TRDN: variants seen among roughly 807,000 people sequenced by gnomAD.
TRDN encodes triadin in skeletal muscle.
A neutral mutation model predicts 149.7 loss-of-function variants in TRDN; 161 were observed. That is an observed-to-expected ratio of 1.08 (90% CI 0.95 to 1.23). The LOEUF (loss-of-function observed/expected upper bound fraction) is 1.23, where lower values mean the gene tolerates loss of function less well. TRDN is among the 50% of genes most tolerant of loss of function. TRDN has a pLI of 0.00. For synonymous variants in TRDN, 294 were observed against 250.5 expected (o/e 1.17, Z -1.64); for missense variants, 896 against 823.5 (o/e 1.09, Z -1.08).
Position 123,271,196 on chromosome 6 carries a change from GA to G in TRDN, c.1673-11del, listed in dbSNP as rs1297760123. 5 of 1,522,358 alleles carry G rather than the reference GA, an allele frequency of 3.3e-6. No homozygotes were observed. The highest frequency in any genetic ancestry group is 2.1e-5 in the Admixed American group (1 of 46,714). 94.3% of individuals were successfully genotyped at this position (1,522,358 alleles called of 1,614,324 possible). On this transcript the variant is annotated splice_polypyrimidine_tract_variant and intron_variant, in intron 29 of 40. Transcript: ENST00000334268. Reference sequence around the variant, plus strand: ...TTGAGAACTTTTTCTTCTGTGATAGGAAAAAATGTTAACACAAGTAGGAAAT... The same window carrying G: ...TTGAGAACTTTTTCTTCTGTGATAGGAAAAATGTTAACACAAGTAGGAAAT...
chr6:123,327,671 A>T (rs1779509669), intron 23 of TRDN, among the ~76,000 whole-genome samples: 1 of 152,104 alleles, frequency 6.6e-6, no homozygotes, highest in East Asian at 1.9e-4. Flanking sequence ...ATTAATTTTC[A>T]TAGGATGATC....
rs772899515 is a variant in TRDN, at chr6:123,218,694, GC to G, written c.2096del (p.Gly699AlafsTer45). 23 of 1,598,926 alleles carry G rather than the reference GC, an allele frequency of 1.4e-5. No individual in the cohort carries two copies. The highest frequency in any genetic ancestry group is 1.7e-5 in the Admixed American group (1 of 57,648). On this transcript the variant is annotated frameshift_variant, in exon 41 of 41. Transcript: ENST00000334268. LOFTEE classifies it high-confidence loss of function. ...GAGTGAAAGGAAACTGAAATCCATA[GC>G]CATTGTACCCATCCAAGTAGACACA... Reference protein sequence around the residue: ...FQCVYLDGYNGYGFQFPFTPA... With the variant: ...FQCVYLDGYNXYGFQFPFTPA...
chr6:123,507,810 A>G (rs1266706819), intron 7 of TRDN, among the ~76,000 whole-genome samples: 2 of 152,236 alleles, frequency 1.3e-5, no homozygotes, highest in South Asian at 2.1e-4. Context: ...TCTTGGAATT[A>G]GCGTGATCCA....
At position 123,337,878 on chromosome 6, in the gene TRDN, C is replaced by T. The variant is rs570516335; in HGVS notation, c.1370-209G>A. Among the ~76,000 whole-genome samples, 19 of 152,164 alleles carry T rather than the reference C, an allele frequency of 1.2e-4. No individual in the cohort carries two copies. In the South Asian group the frequency reaches 3.7e-3, roughly 30 times the overall value. On this transcript the variant is annotated intron_variant, in intron 21 of 40. Transcript: ENST00000334268. ...AAAATAAGCCCATGAATTTCTATCA[C>T]TAGTACAGACTATGCCATATATACA...
intron 24 of TRDN, among the ~76,000 whole-genome samples, chr6:123,282,295 A>G (rs1268873627): frequency 6.6e-6 from 1 of 151,958 alleles, no homozygotes; most frequent in East Asian, 1.9e-4. Flanking sequence ...TAACAATTCT[A>G]GCTCCACAGT....
At chr6:123,601,729 C>T (rs1036030229) in intron 1 of TRDN, among the ~76,000 whole-genome samples, 1 of 152,140 alleles carries the variant, frequency 6.6e-6, no homozygotes, top group Non-Finnish European at 1.5e-5. Context: ...AACTGGGGAA[C>T]TCTAAGCTGG....
chr6:123,436,298 A>G (rs35274946), intron 12 of TRDN, among the ~76,000 whole-genome samples: 22,101 of 152,056 alleles, frequency 0.15, 2,212 homozygotes, highest in African/African-American at 0.29. Context: ...AGAAAATAAG[A>G]AAGTTTTAAA....
At chr6:123,518,242 G>A (rs1779508102) in intron 5 of TRDN, among the ~76,000 whole-genome samples, 1 of 152,082 alleles carries the variant, frequency 6.6e-6, no homozygotes, top group African/African-American at 2.4e-5. Flanking sequence ...GGTTCTTTTA[G>A]TTGTTTATTC....
At chr6:123,276,434 T>G (rs1188332662) in intron 26 of TRDN, among the ~76,000 whole-genome samples, 1 of 152,144 alleles carries the variant, frequency 6.6e-6, no homozygotes, top group African/African-American at 2.4e-5. Flanking sequence ...TCAAGCAAAG[T>G]ATGGAAGGTG....
chr6:123,425,536 T>C (rs1391779960), intron 12 of TRDN, among the ~76,000 whole-genome samples: 1 of 151,946 alleles, frequency 6.6e-6, no homozygotes, highest in Non-Finnish European at 1.5e-5. Context: ...GTGCTTCCAA[T>C]TTGGGATTCC....
chr6:123,512,207 A>C lies in TRDN; in HGVS notation c.610+96T>G, dbSNP rs1779217705. On this transcript the variant is annotated intron_variant, in intron 7 of 40. Transcript: ENST00000334268. The stretch of plus-strand genomic sequence containing the variant: ...CCAAATTAACTTTTTAATATAAATG[A>C]TAAAAGTTTACAAATATCCAACTAT... 21 of 687,216 alleles carry C rather than the reference A, an allele frequency of 3.1e-5. 1 individual carries two copies. In the South Asian group the frequency reaches 5.0e-4, roughly 16 times the overall value. The allele number at this position is 687,216 out of a possible 1,614,324, so 42.6% of individuals were successfully genotyped here. A position where few individuals can be genotyped will look rare whatever the true frequency, so the allele number is the denominator to read the frequency against.
chr6:123,621,521 C>T (rs958356281), intron 1 of TRDN, among the ~76,000 whole-genome samples: 1 of 151,920 alleles, frequency 6.6e-6, no homozygotes, highest in Admixed American at 6.6e-5. Context: ...CATAGCCTCC[C>T]CCAATTGAAA....
intron 39 of TRDN, 76 bp from the exon 40 acceptor site, chr6:123,221,598 T>C (rs978130704): frequency 1.0e-6 from 1 of 966,864 alleles, no homozygotes; most frequent in East Asian, 2.8e-5. Flanking sequence ...GGACTGAGAA[T>C]GTCTAAACAG....
At chr6:123,378,633 A>G (rs1013463140) in intron 16 of TRDN, among the ~76,000 whole-genome samples, 1 of 152,264 alleles carries the variant, frequency 6.6e-6, no homozygotes, top group East Asian at 1.9e-4. Context: ...CAGTTATTTT[A>G]AAATAATTCT....
chr6:123,483,218 T>C (rs1777839916), intron 9 of TRDN, among the ~76,000 whole-genome samples: 1 of 151,224 alleles, frequency 6.6e-6, no homozygotes, highest in Non-Finnish European at 1.5e-5. Context: ...TTCTCCTGCC[T>C]CAGCCTTCCT....
intron 21 of TRDN, chr6:123,350,199 TTAAC>T: frequency 5.2e-6 from 5 of 968,732 alleles, no homozygotes; most frequent in Non-Finnish European, 6.1e-6. Context: ...GTGTTTCTTC[TTAAC>T]TGACTGTCGA....
intron 23 of TRDN, among the ~76,000 whole-genome samples, chr6:123,330,956 A>C (rs1462699116): frequency 1.3e-5 from 2 of 152,060 alleles, no homozygotes; most frequent in Non-Finnish European, 2.9e-5. Context: ...AAAGTTGTAC[A>C]GCTAAGTCCC....
chr6:123,452,770 C>G (rs1208894862), intron 10 of TRDN, among the ~76,000 whole-genome samples: 1 of 152,036 alleles, frequency 6.6e-6, no homozygotes, highest in Non-Finnish European at 1.5e-5. Context: ...TCATATGGAA[C>G]CACAAAAGAG....
intron 12 of TRDN, among the ~76,000 whole-genome samples, chr6:123,394,196 G>C (rs549745037): frequency 6.6e-6 from 1 of 152,094 alleles, no homozygotes; most frequent in South Asian, 2.1e-4. Context: ...AAATATATCC[G>C]AGAGAATGAG....
Sources: gnomAD v4.1 joint callset for allele counts (sites outside exome capture counted in the v4.1 genomes callset) on GRCh38, gnomAD v4.1.1 for gene constraint, MANE v1.5 for transcripts, NCBI Gene and HGNC (gene_info 2026-07-23, HGNC 2026-07-21) for gene names.